Variants in ZYG11B observed in about 807,000 individuals in gnomAD.
ZYG11B encodes the protein protein zyg-11 homolog B.
In ZYG11B, 36 loss-of-function variants were observed where a neutral mutation model predicts 82.4. The ratio of observed to expected loss-of-function variants is 0.44; its 90% confidence interval spans 0.33 to 0.58. ZYG11B has a LOEUF of 0.58. Ranked by LOEUF, ZYG11B falls within the 20% of genes least tolerant of loss-of-function variation. The probability of loss-of-function intolerance (pLI) is 0.02; values close to 1 mark genes in which losing one functional copy is unlikely to be tolerated. For missense variants in ZYG11B, 552 were observed against 895.6 expected, an observed-to-expected ratio of 0.62 and a Z score of 4.90; for synonymous variants, 303 against 312.8, an observed-to-expected ratio of 0.97 and a Z score of 0.33.
At chr1:52,810,971 T>G (rs1264403288) in intron 10 of ZYG11B, among the ~76,000 whole-genome samples, 2 of 151,128 alleles carry the variant, frequency 1.3e-5, no homozygotes, top group African/African-American at 2.4e-5. Context: ...GAGGCGGAAG[T>G]TGCAGTGAGC....
At chr1:52,791,759 T>TA (rs1274141634) in intron 6 of ZYG11B, among the ~76,000 whole-genome samples, 1 of 152,230 alleles carries the variant, frequency 6.6e-6, no homozygotes, top group Non-Finnish European at 1.5e-5. Flanking sequence ...TTCCATTTTT[T>TA]ATTTGAAATA....
At chr1:52,799,842 G>A (rs757534644) in intron 8 of ZYG11B, among the ~76,000 whole-genome samples, 3 of 151,858 alleles carry the variant, frequency 2.0e-5, no homozygotes, top group Admixed American at 6.6e-5. Context: ...AGAGAGAGAA[G>A]GCTATTCGGG....
At position 52,772,327 on chromosome 1, in the gene ZYG11B, T is replaced by A. The variant is rs559852097; in HGVS notation, c.951+553T>A. 138 of 1,433,542 alleles carry A rather than the reference T, an allele frequency of 9.6e-5. 1 individual carries two copies. The South Asian group carries it at 1.5e-3, about 15-fold the overall frequency. 88.8% of individuals were successfully genotyped at this position (1,433,542 alleles called of 1,614,324 possible). A position where few individuals can be genotyped will look rare whatever the true frequency, so the allele number is the denominator to read the frequency against. ...AATCAGATGGAATTTAGCATCCTTA[T>A]CCTTTCTGTTCCTCTCAAGATGCTT... On this transcript the variant is annotated intron_variant, in intron 3 of 13. Transcript: ENST00000294353.
At chr1:52,755,439 T>A (rs1390568034) in intron 1 of ZYG11B, among the ~76,000 whole-genome samples, 2 of 152,210 alleles carry the variant, frequency 1.3e-5, no homozygotes, top group Non-Finnish European at 2.9e-5. Flanking sequence ...GTTTTTCTTT[T>A]CCAAGATCGT....
chr1:52,742,854 AAAG>A (rs999572983), intron 1 of ZYG11B, among the ~76,000 whole-genome samples: 4 of 151,432 alleles, frequency 2.6e-5, no homozygotes, highest in African/African-American at 7.3e-5. Flanking sequence ...AAAAAAAAAA[AAAG>A]AGTCAAAAAG....
intron 8 of ZYG11B, among the ~76,000 whole-genome samples, 198 bp downstream of exon 8, chr1:52,796,982 A>T (rs1477284863): frequency 1.5e-5 from 1 of 65,536 alleles, no homozygotes; most frequent in Non-Finnish European, 2.6e-5. Flanking sequence ...ATATAAATAT[A>T]TATATTTTTT....
At chr1:52,750,134 G>A (rs796622702) in intron 1 of ZYG11B, among the ~76,000 whole-genome samples, 15 of 152,074 alleles carry the variant, frequency 9.9e-5, no homozygotes, top group African/African-American at 3.4e-4. Context: ...GTCTTGCTCT[G>A]TCACCCAGGC....
At position 52,797,176 on chromosome 1, in the gene ZYG11B, A is replaced by ATT. The variant is rs1418027507; in HGVS notation, c.1485+393_1485+394insTT. Among the ~76,000 whole-genome samples, 18 of 70,054 alleles carry ATT rather than the reference A, an allele frequency of 2.6e-4. 1 individual carries two copies. The highest frequency in any genetic ancestry group is 1.2e-3 in the African/African-American group (18 of 15,594). 46.0% of individuals were successfully genotyped at this position (70,054 alleles called of 152,430 possible). On this transcript the variant is annotated intron_variant, in intron 8 of 13. Coordinates refer to ENST00000294353, the MANE Select transcript of ZYG11B (RefSeq NM_024646.3). ...TATATTTATATATTATATATTATAT[A>ATT]TATTTATATATTATATATAAATTAT...
At chr1:52,767,920 A>G (rs1323204078) in intron 2 of ZYG11B, among the ~76,000 whole-genome samples, 2 of 152,288 alleles carry the variant, frequency 1.3e-5, no homozygotes, top group Middle Eastern at 3.4e-3. Context: ...CAGGCTCCCC[A>G]GAAGGTATCT....
Position 52,768,209 on chromosome 1 carries a change from T to G in ZYG11B, c.197-2811T>G, listed in dbSNP as rs532321994. ...TGGTACGTTGGCTAGAGAGAGCAGATTTTGGGGGAGGTTTTTGTCTGTGCC... is the reference window on the plus strand; with the variant it reads ...TGGTACGTTGGCTAGAGAGAGCAGAGTTTGGGGGAGGTTTTTGTCTGTGCC... On this transcript the variant is annotated intron_variant, in intron 2 of 13. Transcript: ENST00000294353. Among the ~76,000 whole-genome samples the G allele has an allele frequency of 4.6e-5, 7 of 152,296 alleles. No homozygotes were observed. The East Asian group carries it at 1.3e-3, about 29-fold the overall frequency.
intron 1 of ZYG11B, among the ~76,000 whole-genome samples, chr1:52,738,228 G>C (rs1644393776): frequency 6.6e-6 from 1 of 151,722 alleles, no homozygotes; most frequent in African/African-American, 2.4e-5. Flanking sequence ...TTATTTTTTT[G>C]AGACAAGGTC....
At chr1:52,744,345 C>T (rs928969946) in intron 1 of ZYG11B, among the ~76,000 whole-genome samples, 9 of 152,168 alleles carry the variant, frequency 5.9e-5, no homozygotes, top group African/African-American at 2.2e-4. Context: ...ATCCTATCTA[C>T]CACCTCTATG....
chr1:52,769,099 G>A (rs1217358136), intron 2 of ZYG11B, among the ~76,000 whole-genome samples: 1 of 151,954 alleles, frequency 6.6e-6, no homozygotes. Context: ...TACTCCATGG[G>A]ATTATGAATC....
intron 2 of ZYG11B, among the ~76,000 whole-genome samples, chr1:52,765,621 C>T (rs1644676462): frequency 6.6e-6 from 1 of 152,074 alleles, no homozygotes; most frequent in African/African-American, 2.4e-5. Context: ...CCTCAGCCTC[C>T]CGACTAGCTA....
At chr1:52,774,609 ATTTTTTT>A (rs35043109) in intron 3 of ZYG11B, among the ~76,000 whole-genome samples, 1 of 111,148 alleles carries the variant, frequency 9.0e-6, no homozygotes, top group Non-Finnish European at 1.7e-5. Flanking sequence ...GCCTGGCCTA[ATTTTTTT>A]TTTTTTTTTT....
At chr1:52,783,260 G>C (rs532605387) in intron 4 of ZYG11B, among the ~76,000 whole-genome samples, 2 of 152,002 alleles carry the variant, frequency 1.3e-5, no homozygotes. Context: ...TGCTGCAAAG[G>C]GGAGCAAAGA....
intron 1 of ZYG11B, among the ~76,000 whole-genome samples, chr1:52,748,250 G>C (rs1479187134): frequency 1.3e-5 from 2 of 152,132 alleles, no homozygotes; most frequent in African/African-American, 2.4e-5. Context: ...TCTGCACCAG[G>C]ACCTGATACA....
chr1:52,776,229 A>AAAAATAT, intron 3 of ZYG11B, among the ~76,000 whole-genome samples: 1,486 of 23,584 alleles, frequency 0.063, 159 homozygotes, highest in African/African-American at 0.13. Context: ...TAAAAAAAAA[A>AAAAATAT]ATATATATAT....
At chr1:52,779,006 T>C (rs1644832405) in intron 3 of ZYG11B, among the ~76,000 whole-genome samples, 1 of 152,162 alleles carries the variant, frequency 6.6e-6, no homozygotes, top group Admixed American at 6.6e-5. Flanking sequence ...CTGAAAGAGA[T>C]GTTTCAGGGG....
Sources: allele counts gnomAD v4.1 joint callset (sites outside exome capture counted in the v4.1 genomes callset), GRCh38; gene constraint gnomAD v4.1.1; transcripts MANE v1.5; gene names NCBI Gene and HGNC (gene_info 2026-07-23, HGNC 2026-07-21).